Variants in INPP1 observed in about 807,000 individuals in gnomAD.
The protein encoded by INPP1 is inositol polyphosphate 1-phosphatase.
In INPP1, 18 loss-of-function variants were observed where a neutral mutation model predicts 23.0. The observed-to-expected ratio is 0.78, with a 90% CI of 0.54 to 1.16. The LOEUF (loss-of-function observed/expected upper bound fraction) is 1.16, where lower values mean the gene tolerates loss of function less well. INPP1 is among the 50% of genes most tolerant of loss of function. INPP1 has a pLI of 0.00. For missense variants in INPP1, 448 were observed against 482.1 expected (o/e 0.93, Z 0.66); for synonymous variants, 164 against 176.3 (o/e 0.93, Z 0.55).
chr2:190,360,321 A>G lies in INPP1; in HGVS notation c.204+15A>G, dbSNP rs370721212. The G allele has an allele frequency of 3.5e-5, 57 of 1,611,188 alleles. No individual in the cohort carries two copies. The highest frequency in any genetic ancestry group is 4.8e-5 in the Non-Finnish European group (56 of 1,178,020). The stretch of plus-strand genomic sequence containing the variant: ...TGGAGAACAAGGTAAGAAAGGTCAT[A>G]GCCAAGGTAACTGCAAAATAGTTGC... On this transcript the variant is annotated intron_variant, in intron 3 of 6. Coordinates refer to ENST00000392329, the MANE Select transcript of INPP1 (RefSeq NM_001128928.2).
chr2:190,348,367 TA>T (rs1335785794), intron 1 of INPP1, among the ~76,000 whole-genome samples: 1 of 152,208 alleles, frequency 6.6e-6, no homozygotes, highest in African/African-American at 2.4e-5. Context: ...TGTTTTTTTT[TA>T]ACTTTAAAAA....
chr2:190,351,432 A>G (rs1350556707), intron 2 of INPP1, among the ~76,000 whole-genome samples: 1 of 152,248 alleles, frequency 6.6e-6, no homozygotes, highest in East Asian at 1.9e-4. Context: ...ACCATCACTC[A>G]TATCCAGAAC....
In INPP1 at chr2:190,368,450, A is replaced by AG. The variant is rs60396519; in HGVS notation, c.467-647dup. The stretch of plus-strand genomic sequence containing the variant: ...AATATTACCTGTGACCTATTACAGG[A>AG]GGGGGGCTTTTCTTTTTTTCTTTTC... On this transcript the variant is annotated intron_variant, in intron 5 of 6. Transcript: ENST00000392329. The surrounding 1 kb of genome is among the most constrained non-coding windows in gnomAD (Gnocchi z 4.3). Among the ~76,000 whole-genome samples the AG allele has an allele frequency of 6.6e-6, 1 of 152,096 alleles. No individual in the cohort carries two copies. The highest frequency in any genetic ancestry group is 2.1e-4 in the South Asian group (1 of 4,826).
intron 2 of INPP1, among the ~76,000 whole-genome samples, chr2:190,351,358 A>G (rs1440200878): frequency 1.3e-5 from 2 of 152,234 alleles, no homozygotes; most frequent in Non-Finnish European, 2.9e-5. Flanking sequence ...AGAAATATAC[A>G]CATAAACATT....
intron 2 of INPP1, among the ~76,000 whole-genome samples, chr2:190,357,740 A>G (rs1689444796): frequency 6.6e-6 from 1 of 152,218 alleles, no homozygotes; most frequent in African/African-American, 2.4e-5. Flanking sequence ...AGGGATCTTG[A>G]CACATTTTTG....
At chr2:190,366,600 TCTCTCTGTCTCTCTCACTCTTTAG>T in intron 4 of INPP1, 71 bp from the exon 5 acceptor site, 2 of 879,378 alleles carry the variant, frequency 2.3e-6, no homozygotes, top group Non-Finnish European at 3.7e-6. Flanking sequence ...TCTCTCTCGC[TCTCTCTGTCTCTCTCACTCTTTAG>T]CTCTCTCTCT....
intron 2 of INPP1, among the ~76,000 whole-genome samples, chr2:190,353,183 C>T (rs1033640591): frequency 6.6e-6 from 1 of 152,182 alleles, no homozygotes; most frequent in African/African-American, 2.4e-5. Context: ...CAACCAGGCT[C>T]TTCACATGAG....
chr2:190,349,832 ACTTTAAAGTTT>A (rs1433315256), intron 2 of INPP1, among the ~76,000 whole-genome samples: 1 of 152,164 alleles, frequency 6.6e-6, no homozygotes, highest in Admixed American at 6.5e-5. Context: ...TCACTATCAA[ACTTTAAAGTTT>A]TTGTCGGTTT....
chr2:190,369,108 A>G lies in INPP1; in HGVS notation c.472A>G (p.Thr158Ala). 1 of 1,565,742 alleles carries G rather than the reference A, an allele frequency of 6.4e-7. No individual in the cohort carries two copies. Among genetic ancestry groups the G allele is most frequent in the Non-Finnish European group, 8.7e-7 (1 of 1,148,622 alleles). Residue 158 changes from threonine to alanine, a missense_variant, in exon 6 of 7, where the codon ACT becomes GCT. Transcript: ENST00000392329. Reference protein sequence around the residue: ...LGIWVDPIDSTYQYIKGSADI... With the variant: ...LGIWVDPIDSAYQYIKGSADI... ...ACATTTGTTTCCTTTTTCAGATTCA[A>G]CTTATCAGTATATAAAAGGTTCTGC... is the stretch of plus-strand genomic sequence containing the variant.
chr2:190,370,707 T>G (rs1689782244), intron 6 of INPP1, 137 bp from the exon 7 acceptor site: 3 of 692,500 alleles, frequency 4.3e-6, no homozygotes. Flanking sequence ...CTGATATCTA[T>G]TCCTAGACTT....
At chr2:190,357,022 C>T (rs191822949) in intron 2 of INPP1, among the ~76,000 whole-genome samples, 1 of 152,138 alleles carries the variant, frequency 6.6e-6, no homozygotes, top group Non-Finnish European at 1.5e-5. Context: ...ATTTCTAAGG[C>T]AACGTGCCGC....
At chr2:190,344,702 G>A (rs73981063) in intron 1 of INPP1, among the ~76,000 whole-genome samples, 3,644 of 152,272 alleles carry the variant, frequency 0.024, 136 homozygotes, top group African/African-American at 0.082. Context: ...TAGTACATCT[G>A]TGAAAAACAC....
chr2:190,350,634 A>T (rs1436676043), intron 2 of INPP1, among the ~76,000 whole-genome samples: 1 of 152,204 alleles, frequency 6.6e-6, no homozygotes, highest in African/African-American at 2.4e-5. Context: ...ACTTGCTCAC[A>T]ATAGAGCAAG....
intron 2 of INPP1, 33 bp from the exon 3 acceptor site, chr2:190,360,006 T>G (rs1040395283): frequency 6.7e-5 from 85 of 1,270,572 alleles, no homozygotes; most frequent in African/African-American, 4.9e-4. Context: ...CTCTCTGAAC[T>G]GCTTTCTCTT....
At position 190,356,527 on chromosome 2, in the gene INPP1, A is replaced by G. The variant is rs927667681; in HGVS notation, c.-64-3512A>G. On this transcript the variant is annotated intron_variant, in intron 2 of 6. Coordinates refer to ENST00000392329, the MANE Select transcript of INPP1 (RefSeq NM_001128928.2). This position sits in a 1 kb window ranked among gnomAD's most constrained non-coding sequence, Gnocchi z 6.4. Reference sequence around the variant, plus strand: ...AAGAGGACAAATTCCAGATTACTGCAGCATTTGTGCTGAAACTCACCAGGG... The same window carrying G: ...AAGAGGACAAATTCCAGATTACTGCGGCATTTGTGCTGAAACTCACCAGGG... 1 of 152,198 alleles carries G rather than the reference A, an allele frequency of 6.6e-6. No individual in the cohort carries two copies. Among genetic ancestry groups the G allele is most frequent in the African/African-American group, 2.4e-5 (1 of 41,446 alleles). 9.4% of individuals were successfully genotyped at this position (152,198 alleles called of 1,614,324 possible). A position where few individuals can be genotyped will look rare whatever the true frequency, so the allele number is the denominator to read the frequency against.
rs116016036 is a variant in INPP1, at chr2:190,346,043, G to A, written c.-209+2082G>A. Among the ~76,000 whole-genome samples, 1,028 of 152,144 alleles carry A rather than the reference G, an allele frequency of 6.8e-3. 13 individuals are homozygous for A. The highest frequency in any genetic ancestry group is 0.022 in the African/African-American group (929 of 41,528). On this transcript the variant is annotated intron_variant, in intron 1 of 6. Transcript: ENST00000392329. The surrounding 1 kb of genome is among the most constrained non-coding windows in gnomAD (Gnocchi z 5.1). ...TAAAAAAATAAAAGTTCTGCTTCCCGTCTCCTGTGATTGATGTTGGGTACT... is the reference window on the plus strand; with the variant it reads ...TAAAAAAATAAAAGTTCTGCTTCCCATCTCCTGTGATTGATGTTGGGTACT...
intron 2 of INPP1, among the ~76,000 whole-genome samples, chr2:190,350,877 G>GATT (rs1689312510): frequency 6.6e-6 from 1 of 152,218 alleles, no homozygotes; most frequent in Non-Finnish European, 1.5e-5. Context: ...GATAATTTTA[G>GATT]ATTCTGATTT....
intron 1 of INPP1, among the ~76,000 whole-genome samples, chr2:190,344,962 G>A (rs1689186926): frequency 6.6e-6 from 1 of 152,144 alleles, no homozygotes; most frequent in Non-Finnish European, 1.5e-5. Context: ...CTTGATAATA[G>A]TATAAGGATG....
Position 190,368,923 on chromosome 2 carries a change from G to A in INPP1, c.467-180G>A, listed in dbSNP as rs1689742643. 2 of 412,838 alleles carry A rather than the reference G, an allele frequency of 4.8e-6. No individual in the cohort carries two copies. The highest frequency in any genetic ancestry group is 3.5e-5 in the East Asian group (1 of 28,422). The allele number at this position is 412,838 out of a possible 1,614,324, so 25.6% of individuals were successfully genotyped here. Reference sequence around the variant, plus strand: ...TCCCTTCAAGAGTTCTCACAGTCAGGAAAATGAAACACAAGCAATTTAAAA... The same window carrying A: ...TCCCTTCAAGAGTTCTCACAGTCAGAAAAATGAAACACAAGCAATTTAAAA... On this transcript the variant is annotated intron_variant, in intron 5 of 6. Coordinates refer to ENST00000392329, the MANE Select transcript of INPP1 (RefSeq NM_001128928.2). The surrounding 1 kb of genome is among the most constrained non-coding windows in gnomAD (Gnocchi z 4.3).
Sources: gnomAD v4.1 joint callset for allele counts (sites outside exome capture counted in the v4.1 genomes callset) on GRCh38, gnomAD v4.1.1 for gene constraint, Gnocchi (gnomAD v3.1) non-coding constraint, MANE v1.5 for transcripts, NCBI Gene and HGNC (gene_info 2026-07-23, HGNC 2026-07-21) for gene names.